LCP2: variants seen among roughly 807,000 people sequenced by gnomAD.
The protein encoded by LCP2 is 76 kDa tyrosine phosphoprotein.
LCP2 carries 29 observed loss-of-function variants against 74.5 expected under a neutral mutation model. That is an observed-to-expected ratio of 0.39 (90% CI 0.29 to 0.53). The LOEUF is 0.53. Ranked by LOEUF, LCP2 falls within the 20% of genes least tolerant of loss-of-function variation. The pLI, the probability that LCP2 is intolerant of heterozygous loss-of-function variation, is 0.72. For missense variants in LCP2, 604 were observed against 634.6 expected, an observed-to-expected ratio of 0.95 and a Z score of 0.52; for synonymous variants, 228 against 229.5, an observed-to-expected ratio of 0.99 and a Z score of 0.06.
At chr5:170,260,265 T>C (rs1227140795) in intron 14 of LCP2, among the ~76,000 whole-genome samples, 10 of 152,162 alleles carry the variant, frequency 6.6e-5, no homozygotes, top group Admixed American at 6.5e-4. Flanking sequence ...GGGTTGTGAG[T>C]GTGCCTGCCT....
intron 6 of LCP2, chr5:170,274,029 G>T: frequency 2.0e-6 from 1 of 495,100 alleles, no homozygotes; most frequent in Admixed American, 3.4e-5. Flanking sequence ...AAGGTTTATG[G>T]GCGCAAAGCC....
In LCP2 at chr5:170,268,405, G is replaced by C. The variant is rs771459117; in HGVS notation, c.601C>G (p.Pro201Ala). 3 of 772,522 alleles carry C rather than the reference G, an allele frequency of 3.9e-6. No individual in the cohort carries two copies. The highest frequency in any genetic ancestry group is 5.1e-6 in the Non-Finnish European group (3 of 588,248). 47.9% of individuals were successfully genotyped at this position (772,522 alleles called of 1,614,324 possible). ...CCTACCGAGTGATTCCGGCCGGCTG[G>C]TGGGGGCGGGAGGGCGGCCATCGGT... ...QRPMAALPPP[P>A]AGRNHSPLPP... Residue 201 changes from proline to alanine, a missense_variant, in exon 8 of 21, where the codon CCA (proline) becomes GCA (alanine). Coordinates refer to ENST00000046794, the MANE Select transcript of LCP2 (RefSeq NM_005565.5).
rs781737759 is a variant in LCP2 at position 170,270,914 on chromosome 5, C to T, written c.328G>A (p.Glu110Lys). The change falls in exon 7 of 21, where the codon GAA (glutamate) becomes AAA (lysine). Residue 110 changes from glutamate to lysine, a missense_variant. Physicochemically the swap from Glu to Lys is moderately conservative, Grantham distance 56. Coordinates refer to ENST00000046794, the MANE Select transcript of LCP2 (RefSeq NM_005565.5). Reference sequence around the variant, plus strand: ...TCATTGGGACTTTCATAATCGTCTTCTTCCTGCCCACACAGTGATAGGGAC... The same window carrying T: ...TCATTGGGACTTTCATAATCGTCTTTTTCCTGCCCACACAGTGATAGGGAC... ...EDNGGWSSFE[E>K]DDYESPNDDQ... 1 of 1,611,666 alleles carries T rather than the reference C, an allele frequency of 6.2e-7. No homozygotes were observed. The highest frequency in any genetic ancestry group is 1.1e-5 in the South Asian group (1 of 90,312).
chr5:170,282,902 G>A (rs983720289), intron 3 of LCP2, among the ~76,000 whole-genome samples: 2 of 152,302 alleles, frequency 1.3e-5, no homozygotes, highest in South Asian at 2.1e-4. Context: ...CCAAATAGTA[G>A]CACTTAAAAT....
intron 3 of LCP2, among the ~76,000 whole-genome samples, chr5:170,284,664 T>C (rs1762153786): frequency 6.6e-6 from 1 of 152,140 alleles, no homozygotes; most frequent in African/African-American, 2.4e-5. Flanking sequence ...CTGTCTCTCC[T>C]TCCCCGCTCA....
chr5:170,273,477 T>G (rs1000932874), intron 6 of LCP2, among the ~76,000 whole-genome samples: 2 of 152,254 alleles, frequency 1.3e-5, no homozygotes, highest in Non-Finnish European at 2.9e-5. Context: ...AGTTTGTTTC[T>G]GCCTTCTGAA....
At chr5:170,265,180 G>C (rs1761729615) in intron 10 of LCP2, among the ~76,000 whole-genome samples, 1 of 151,744 alleles carries the variant, frequency 6.6e-6, no homozygotes. Context: ...ATAGAGACGG[G>C]GTTTCACCGT....
chr5:170,294,277 T>C (rs1318249490), intron 1 of LCP2, among the ~76,000 whole-genome samples: 7 of 152,194 alleles, frequency 4.6e-5, no homozygotes, highest in Non-Finnish European at 7.3e-5. Context: ...ATGGATACTA[T>C]TTTGCGAACT....
In LCP2 at chr5:170,275,826, T is replaced by C. The variant is rs1414567282; in HGVS notation, c.223A>G (p.Asn75Asp). 1.9e-6 allele frequency: 3 copies of C among 1,579,638 alleles called. No individual in the cohort carries two copies. The South Asian group carries it at 3.5e-5, about 18-fold the overall frequency. Residue 75 changes from asparagine to aspartate, a missense_variant, in exon 4 of 21, where the codon AAC becomes GAC. By Grantham distance (23) the Asn-to-Asp change is conservative. Transcript: ENST00000046794. The stretch of plus-strand genomic sequence containing the variant: ...GTGAAGATGCTCCTCCTCTCTTCGT[T>C]CTTGTTGATTTCCTGACTTAACTTA... Reference protein sequence around the residue: ...LSKLSQEINKNEERRSIFTRK... With the variant: ...LSKLSQEINKDEERRSIFTRK...
Position 170,252,454 on chromosome 5 carries a change from C to T in LCP2, c.1303G>A (p.Ala435Thr). ...SYITRPEAEAALRKINQDGTF... is the reference protein window; with the variant it reads ...SYITRPEAEATLRKINQDGTF... ...AATACCTGGTTTATCTTTCTAAGAG[C>T]AGCTTCTGCCTCTGGTCGGGTAATA... Residue 435 changes from alanine (A) to threonine (T), a missense_variant, in exon 19 of 21, where the codon GCT becomes ACT. By Grantham distance (58) the Ala-to-Thr change is moderately conservative (BLOSUM62 0). Coordinates refer to ENST00000046794, the MANE Select transcript of LCP2 (RefSeq NM_005565.5). 1 of 1,578,872 alleles carries T rather than the reference C, an allele frequency of 6.3e-7. No homozygotes were observed. Among genetic ancestry groups the T allele is most frequent in the East Asian group, 2.2e-5 (1 of 44,614 alleles).
In LCP2 at chr5:170,258,462, G is replaced by T. The variant is rs185060377; in HGVS notation, c.971-296C>A. The T allele has an allele frequency of 3.9e-5, 14 of 358,812 alleles. No homozygotes were observed. The East Asian group carries it at 6.1e-4, about 16-fold the overall frequency. The allele number at this position is 358,812 out of a possible 1,614,324, so 22.2% of individuals were successfully genotyped here. On this transcript the variant is annotated intron_variant, in intron 15 of 20. Coordinates refer to ENST00000046794, the MANE Select transcript of LCP2 (RefSeq NM_005565.5). Reference sequence around the variant, plus strand: ...TAACTTGGCAGAAAATTGTCAGCTGGAAACCTTATAAATTTCAGAAATGAT... The same window carrying T: ...TAACTTGGCAGAAAATTGTCAGCTGTAAACCTTATAAATTTCAGAAATGAT...
At position 170,256,425 on chromosome 5, in the gene LCP2, G is replaced by A. The variant is rs1047892067; in HGVS notation, c.1150+101C>T. ...TGAATGAGGAAATCAGATGCTTTTA[G>A]GAAACAATAAAACCTTTGTCGAAAG... On this transcript the variant is annotated intron_variant, in intron 17 of 20. Coordinates refer to ENST00000046794, the MANE Select transcript of LCP2 (RefSeq NM_005565.5). This position sits in a 1 kb window ranked among gnomAD's most constrained non-coding sequence, Gnocchi z 4.5. 28 of 940,554 alleles carry A rather than the reference G, an allele frequency of 3.0e-5. No homozygotes were observed. In the African/African-American group the frequency reaches 4.4e-4, roughly 15 times the overall value. 58.3% of individuals were successfully genotyped at this position (940,554 alleles called of 1,614,324 possible).
intron 14 of LCP2, among the ~76,000 whole-genome samples, chr5:170,259,373 G>A (rs1213124870): frequency 1.3e-5 from 2 of 152,090 alleles, no homozygotes; most frequent in Non-Finnish European, 2.9e-5. Context: ...CTTTTGCAAT[G>A]GCCACTCTTC....
At chr5:170,285,728 G>C (rs966520866) in intron 3 of LCP2, among the ~76,000 whole-genome samples, 1 of 152,138 alleles carries the variant, frequency 6.6e-6, no homozygotes, top group African/African-American at 2.4e-5. Flanking sequence ...CAATACTGTT[G>C]GGTAGTTCTT....
chr5:170,286,835 T>A (rs1282553400), intron 3 of LCP2, among the ~76,000 whole-genome samples: 1 of 152,196 alleles, frequency 6.6e-6, no homozygotes, highest in Admixed American at 6.5e-5. Context: ...CCTACTTCCC[T>A]TTTATTATGA....
Position 170,252,508 on chromosome 5 carries a change from A to C in LCP2, c.1249T>G (p.Ser417Ala). The C allele has an allele frequency of 1.3e-6, 2 of 1,514,068 alleles. No homozygotes were observed. The highest frequency in any genetic ancestry group is 1.8e-6 in the Non-Finnish European group (2 of 1,100,016). The allele number at this position is 1,514,068 out of a possible 1,614,324, so 93.8% of individuals were successfully genotyped here. A position where few individuals can be genotyped will look rare whatever the true frequency, so the allele number is the denominator to read the frequency against. The change falls in exon 19 of 21, where the codon TCA becomes GCA. Residue 417 changes from serine to alanine, a missense_variant. Ser to Ala is a moderately conservative substitution (Grantham distance 99). Transcript: ENST00000046794. Reference protein sequence around the residue: ...RPPSPAEEENSLNEEWYVSYI... With the variant: ...RPPSPAEEENALNEEWYVSYI... The stretch of plus-strand genomic sequence containing the variant: ...GAAACGTACCACTCTTCATTTAATG[A>C]ATTCTGAAAATGTAAATTTTTAGAA...
intron 10 of LCP2, among the ~76,000 whole-genome samples, chr5:170,265,588 T>C (rs1761739514): frequency 6.6e-6 from 1 of 152,200 alleles, no homozygotes; most frequent in Admixed American, 6.5e-5. Flanking sequence ...GTCAAATCTA[T>C]CTTCATTTCC....
intron 7 of LCP2, among the ~76,000 whole-genome samples, chr5:170,268,929 G>A (rs893487683): frequency 4.3e-4 from 19 of 44,536 alleles, no homozygotes; most frequent in South Asian, 7.7e-4. Context: ...ACAGAGACAC[G>A]AGTGCACACA....
At chr5:170,268,533 AG>A in intron 7 of LCP2, 51 bp from the exon 8 acceptor site, 2 of 212,090 alleles carry the variant, frequency 9.4e-6, no homozygotes. Context: ...GGCCAAGCTC[AG>A]GGGTCTCCAG....
Sources: gnomAD v4.1 joint callset for allele counts (sites outside exome capture counted in the v4.1 genomes callset) on GRCh38, gnomAD v4.1.1 for gene constraint, Gnocchi (gnomAD v3.1) non-coding constraint, MANE v1.5 for transcripts, NCBI Gene and HGNC (gene_info 2026-07-23, HGNC 2026-07-21) for gene names.